The following LRRC37A2 variants were observed in gnomAD, a reference collection of about 807,000 sequenced individuals.
LRRC37A2 encodes the protein leucine rich repeat containing 37 member A2, also known as leucine-rich repeat-containing protein 37A2.
LRRC37A2 carries 9 observed loss-of-function variants against 68.8 expected under a neutral mutation model. The ratio of observed to expected loss-of-function variants is 0.13; its 90% CI spans 0.08 to 0.23. LRRC37A2 has a LOEUF of 0.23. Among genes scored for constraint, LRRC37A2 ranks in the 10% least tolerant of loss-of-function variants. The probability of loss-of-function intolerance (pLI) is 1.00; values close to 1 mark genes in which losing one functional copy is unlikely to be tolerated. For missense variants in LRRC37A2, 168 were observed against 950.4 expected, an observed-to-expected ratio of 0.18 and a Z score of 10.82; for synonymous variants, 63 against 367.6, an observed-to-expected ratio of 0.17 and a Z score of 9.48.
chr17:47,000,076 A>AAATT, the LRRC37A2 span, among the ~76,000 whole-genome samples: 27 of 25,508 alleles, frequency 1.1e-3, 1 homozygote, highest in African/African-American at 2.0e-3. Flanking sequence ...AAATAAAATA[A>AAATT]AAAATAAAAT....
At chr17:46,803,044 T>C in the LRRC37A2 span, among the ~76,000 whole-genome samples, 25 of 152,108 alleles carry the variant, frequency 1.6e-4, no homozygotes, top group African/African-American at 5.8e-4. Flanking sequence ...CCTCAACCTA[T>C]GGGATCAGAT....
At position 46,543,668 on chromosome 17, in the gene LRRC37A2, C is replaced by A. The variant is rs1250989669; in HGVS notation, c.3054-2587C>A. Reference sequence around the variant, plus strand: ...TGGTTTTGTCCAGAAAATGTATAGACATACACACACGGAAAGCTAATGTGG... The same window carrying A: ...TGGTTTTGTCCAGAAAATGTATAGAAATACACACACGGAAAGCTAATGTGG... On this transcript the variant is annotated intron_variant, in intron 8 of 14. Coordinates refer to ENST00000576629, the Ensembl canonical transcript of LRRC37A2. Among the ~76,000 whole-genome samples, 2 of 150,864 alleles carry A rather than the reference C, an allele frequency of 1.3e-5. 1 individual carries two copies. The highest frequency in any genetic ancestry group is 5.0e-5 in the African/African-American group (2 of 40,150).
the LRRC37A2 span, among the ~76,000 whole-genome samples, chr17:47,044,689 AG>A: frequency 1.3e-5 from 2 of 152,026 alleles, no homozygotes; most frequent in South Asian, 4.1e-4. Context: ...AAGGAAAAAA[AG>A]AAAATGTTTA....
intron 6 of LRRC37A2, among the ~76,000 whole-genome samples, chr17:46,532,294 A>T (rs542341577): frequency 1.3e-5 from 2 of 150,222 alleles, no homozygotes; most frequent in South Asian, 4.2e-4. Context: ...CTTCATGTTT[A>T]CAGAATACTC....
the LRRC37A2 span, among the ~76,000 whole-genome samples, chr17:46,973,257 A>C: frequency 2.6e-5 from 4 of 151,952 alleles, no homozygotes; most frequent in East Asian, 2.0e-4. Context: ...CCACACAACC[A>C]GATGACAATC....
chr17:46,736,716 C>T, the LRRC37A2 span, among the ~76,000 whole-genome samples: 3 of 152,338 alleles, frequency 2.0e-5, no homozygotes, highest in East Asian at 3.9e-4. Context: ...CTGCTAACCA[C>T]TAGGGTTAAA....
chr17:46,981,025 G>A, the LRRC37A2 span, among the ~76,000 whole-genome samples: 1 of 152,150 alleles, frequency 6.6e-6, no homozygotes, highest in Non-Finnish European at 1.5e-5. Flanking sequence ...GGCAGGGGTG[G>A]TTTCTCACCC....
At chr17:46,937,532 T>G in the LRRC37A2 span, 1 of 152,212 alleles carries the variant, frequency 6.6e-6, no homozygotes, top group Admixed American at 6.5e-5. Flanking sequence ...TAACTCACAC[T>G]CCCATCAAGG....
At chr17:46,733,733 T>G in the LRRC37A2 span, among the ~76,000 whole-genome samples, 1 of 152,212 alleles carries the variant, frequency 6.6e-6, no homozygotes, top group African/African-American at 2.4e-5. Flanking sequence ...CATTTGAAGC[T>G]CAACGATTGG....
chr17:46,794,466 T>C, the LRRC37A2 span, among the ~76,000 whole-genome samples: 3 of 152,134 alleles, frequency 2.0e-5, no homozygotes, highest in Non-Finnish European at 2.9e-5. Context: ...TGCACAGGGC[T>C]CAGAGCTAAG....
At chr17:46,926,558 C>G in the LRRC37A2 span, among the ~76,000 whole-genome samples, 8 of 152,292 alleles carry the variant, frequency 5.3e-5, no homozygotes, top group East Asian at 1.2e-3. Flanking sequence ...AGGGCTAAGA[C>G]TTCTTTTTCC....
At chr17:46,823,144 A>ATATAT in the LRRC37A2 span, among the ~76,000 whole-genome samples, 1 of 128,840 alleles carries the variant, frequency 7.8e-6, no homozygotes, top group African/African-American at 3.1e-5. Context: ...ATATTATATT[A>ATATAT]TATATATTTA....
At chr17:46,489,547 G>A in the LRRC37A2 span, among the ~76,000 whole-genome samples, 86 of 149,348 alleles carry the variant, frequency 5.8e-4, 7 homozygotes, top group African/African-American at 2.1e-3. Flanking sequence ...ATACAGTGGT[G>A]TGATCTCGGC....
the LRRC37A2 span, among the ~76,000 whole-genome samples, chr17:46,496,429 C>G: frequency 6.7e-6 from 1 of 148,760 alleles, no homozygotes; most frequent in Non-Finnish European, 1.5e-5. Flanking sequence ...CATGGCGAAA[C>G]CCCATCTCTA....
the LRRC37A2 span, among the ~76,000 whole-genome samples, chr17:46,942,992 C>T: frequency 2.6e-5 from 4 of 152,180 alleles, no homozygotes; most frequent in South Asian, 2.1e-4. Flanking sequence ...GGAATTCCCT[C>T]GGGAGCTTTA....
the LRRC37A2 span, among the ~76,000 whole-genome samples, chr17:46,809,741 C>T: frequency 8.5e-5 from 13 of 152,198 alleles, no homozygotes; most frequent in Admixed American, 5.2e-4. Flanking sequence ...TAACCAAGCC[C>T]CATGCCCTGA....
the LRRC37A2 span, among the ~76,000 whole-genome samples, chr17:46,878,295 A>G: frequency 6.6e-6 from 1 of 152,158 alleles, no homozygotes. Flanking sequence ...GAAATTTCAG[A>G]ATCAGCTGAA....
At chr17:46,990,734 G>A in the LRRC37A2 span, among the ~76,000 whole-genome samples, 12 of 151,778 alleles carry the variant, frequency 7.9e-5, no homozygotes, top group Admixed American at 2.6e-4. Flanking sequence ...GCAGTGGCAC[G>A]ATCTCGGCTC....
At chr17:46,857,580 G>A in the LRRC37A2 span, among the ~76,000 whole-genome samples, 9 of 151,800 alleles carry the variant, frequency 5.9e-5, no homozygotes, top group Admixed American at 2.0e-4. Context: ...GTGGGTGTAT[G>A]TTTTCATTTC....
Sources: allele counts gnomAD v4.1 joint callset (sites outside exome capture counted in the v4.1 genomes callset), GRCh38; gene constraint gnomAD v4.1.1; transcripts MANE v1.5; gene names NCBI Gene and HGNC (gene_info 2026-07-23, HGNC 2026-07-21).